Variants in GOLGA8B observed in about 807,000 individuals in gnomAD.
GOLGA8B encodes golgin A8 family member B.
GOLGA8B carries 1 observed loss-of-function variant against 15.6 expected under a neutral mutation model. The ratio of observed to expected loss-of-function variants is 0.06; its 90% confidence interval spans 0.02 to 0.30. GOLGA8B has a LOEUF of 0.30. Ranked by LOEUF, GOLGA8B falls within the 10% of genes least tolerant of loss-of-function variation. The pLI, the probability that GOLGA8B is intolerant of heterozygous loss-of-function variation, is 1.00. For missense variants in GOLGA8B, 17 were observed against 201.3 expected (o/e 0.08, Z 5.54); for synonymous variants, 9 against 80.3 (o/e 0.11, Z 4.75).
chr15:34,581,455 T>C (rs1889233005), intron 1 of GOLGA8B: 1 of 152,286 alleles, frequency 6.6e-6, no homozygotes, highest in African/African-American at 2.4e-5. Flanking sequence ...ATCAGTGTCT[T>C]TTACAATTAC....
At chr15:34,563,774 G>A (rs1449240945) in intron 1 of GOLGA8B, among the ~76,000 whole-genome samples, 1 of 147,840 alleles carries the variant, frequency 6.8e-6, no homozygotes, top group East Asian at 1.9e-4. Flanking sequence ...TCAATTCTAT[G>A]TAGAAATATA....
chr15:34,564,367 A>AAAG, intron 1 of GOLGA8B, among the ~76,000 whole-genome samples: 1 of 151,416 alleles, frequency 6.6e-6, no homozygotes, highest in African/African-American at 2.4e-5. Flanking sequence ...AAAAAAAAAA[A>AAAG]AAAAAAAAAA....
intron 4 of GOLGA8B, among the ~76,000 whole-genome samples, chr15:34,547,690 TGTTATACG>T (rs1174165288): frequency 1.6e-5 from 1 of 63,568 alleles, no homozygotes; most frequent in East Asian, 3.6e-4. Context: ...TGTCGGTTTA[TGTTATACG>T]GCCCTTTGGA....
chr15:34,583,567 C>G lies in GOLGA8B; in HGVS notation c.-1174G>C, dbSNP rs1889310559. 6.6e-6 allele frequency: 1 copy of G among 152,436 alleles called. No homozygotes were observed. Among genetic ancestry groups the G allele is most frequent in the Admixed American group, 6.5e-5 (1 of 15,286 alleles). 9.4% of individuals were successfully genotyped at this position (152,436 alleles called of 1,614,324 possible). On this transcript the variant is annotated 5_prime_UTR_variant, in exon 1 of 24. Transcript: ENST00000683415. The stretch of plus-strand genomic sequence containing the variant: ...TCCGCCGCCGTCCTCGCCCCGCAGC[C>G]GCCGGCTCCGTCCGGGAGGCTGAGC...
intron 1 of GOLGA8B, among the ~76,000 whole-genome samples, chr15:34,578,603 C>T (rs1017297379): frequency 2.0e-5 from 3 of 152,154 alleles, no homozygotes; most frequent in African/African-American, 7.2e-5. Context: ...GCCTCCTCGT[C>T]GCGAAGTTAA....
At position 34,525,461 on chromosome 15, in the gene GOLGA8B, T is replaced by C. The variant is rs540665900; in HGVS notation, c.*2171A>G. ...CAAAGCTTTGGACTGGAATTGGCAT[T>C]TCTTTCTCTACTTTTCCTTCCCACC... On this transcript the variant is annotated 3_prime_UTR_variant, in exon 24 of 24. Transcript: ENST00000683415. The C allele has an allele frequency of 6.7e-6, 1 of 150,130 alleles. No individual in the cohort carries two copies. The highest frequency in any genetic ancestry group is 2.0e-4 in the East Asian group (1 of 5,124). 9.3% of individuals were successfully genotyped at this position (150,130 alleles called of 1,614,324 possible). A position where few individuals can be genotyped will look rare whatever the true frequency, so the allele number is the denominator to read the frequency against.
At chr15:34,574,480 T>A (rs1889013859) in intron 1 of GOLGA8B, among the ~76,000 whole-genome samples, 1 of 151,698 alleles carries the variant, frequency 6.6e-6, no homozygotes, top group Non-Finnish European at 1.5e-5. Flanking sequence ...ATTTTTCTAT[T>A]TTTTTGTAGA....
chr15:34,575,885 C>CT (rs1355669580), intron 1 of GOLGA8B, among the ~76,000 whole-genome samples: 1 of 152,220 alleles, frequency 6.6e-6, no homozygotes, highest in African/African-American at 2.4e-5. Context: ...AACAAGAAAG[C>CT]TGGAATATAG....
chr15:34,543,202 G>C (rs1387736767), intron 7 of GOLGA8B, among the ~76,000 whole-genome samples: 1 of 107,746 alleles, frequency 9.3e-6, no homozygotes, highest in African/African-American at 3.7e-5. Context: ...TTTATTCTGA[G>C]ACAGAGTCTC....
chr15:34,554,602 CCACAT>C (rs1888445745), intron 1 of GOLGA8B, among the ~76,000 whole-genome samples: 1 of 102,770 alleles, frequency 9.7e-6, no homozygotes. Context: ...TCACACCACA[CCACAT>C]ACCACACACC....
At position 34,532,890 on chromosome 15, in the gene GOLGA8B, T is replaced by A. The variant is rs200439797; in HGVS notation, c.241A>T (p.Arg81Trp). ...CQEQAAVLNS[R>W]SIKISRLNDT... The stretch of plus-strand genomic sequence containing the variant: ...TTCAGTCGACTGATTTTTATGGACC[T>A]CGAGTTCAGGACTGCTGCTTGTTCT... Residue 81 changes from arginine (R) to tryptophan (W), a missense_variant, in exon 11 of 24, where the codon AGG (arginine) becomes TGG (tryptophan). Around this residue, in one of 4 missense-constraint regions of GOLGA8B, gnomAD observed 5 missense variants for 35.9 expected, o/e 0.14. Transcript: ENST00000683415. 8.3e-3 allele frequency: 9,614 copies of A among 1,160,652 alleles called. 193 individuals carry two copies. The African/African-American group carries it at 0.13, about 15-fold the overall frequency. 71.9% of individuals were successfully genotyped at this position (1,160,652 alleles called of 1,614,324 possible).
intron 4 of GOLGA8B, among the ~76,000 whole-genome samples, chr15:34,549,143 C>G: frequency 1.9e-5 from 1 of 54,032 alleles, no homozygotes; most frequent in East Asian, 5.0e-4. Context: ...TTCACTCTAT[C>G]AAGAAAATGA....
At chr15:34,578,698 G>A (rs112384323) in intron 1 of GOLGA8B, among the ~76,000 whole-genome samples, 5 of 152,306 alleles carry the variant, frequency 3.3e-5, no homozygotes, top group Non-Finnish European at 7.3e-5. Context: ...AGAATTGCCC[G>A]ATGATGCGTG....
intron 1 of GOLGA8B, among the ~76,000 whole-genome samples, chr15:34,580,050 A>G (rs1345250517): frequency 6.6e-6 from 1 of 152,268 alleles, no homozygotes; most frequent in Non-Finnish European, 1.5e-5. Context: ...CCAGGTGGGC[A>G]TCTGGGGGTG....
chr15:34,583,025 C>T (rs998136083), intron 1 of GOLGA8B, among the ~76,000 whole-genome samples: 1 of 152,126 alleles, frequency 6.6e-6, no homozygotes, highest in African/African-American at 2.4e-5. Context: ...AGGGAAGGGG[C>T]GAAGATCCGG....
intron 1 of GOLGA8B, among the ~76,000 whole-genome samples, chr15:34,581,237 G>C (rs781597451): frequency 2.0e-5 from 3 of 152,202 alleles, no homozygotes; most frequent in Non-Finnish European, 2.9e-5. Flanking sequence ...TGCCGGAGAG[G>C]AGCTGAGGCC....
At chr15:34,581,817 C>G (rs1345471476) in intron 1 of GOLGA8B, among the ~76,000 whole-genome samples, 1 of 152,136 alleles carries the variant, frequency 6.6e-6, no homozygotes, top group African/African-American at 2.4e-5. Flanking sequence ...GGGCACAGAC[C>G]GCACTTCCTA....
At chr15:34,570,457 C>G (rs1308155608) in intron 1 of GOLGA8B, among the ~76,000 whole-genome samples, 3 of 122,092 alleles carry the variant, frequency 2.5e-5, no homozygotes, top group African/African-American at 8.7e-5. Flanking sequence ...GACACAGCGG[C>G]TGCCCTGGGG....
chr15:34,573,238 T>C (rs1007542778), intron 1 of GOLGA8B, among the ~76,000 whole-genome samples: 6 of 152,126 alleles, frequency 3.9e-5, no homozygotes, highest in Non-Finnish European at 7.4e-5. Flanking sequence ...ACAAGCACTT[T>C]AAAATTCACC....
Sources: allele counts gnomAD v4.1 joint callset (sites outside exome capture counted in the v4.1 genomes callset), GRCh38; gene constraint gnomAD v4.1.1; regional missense constraint gnomAD v4.1.1; transcripts MANE v1.5; gene names NCBI Gene and HGNC (gene_info 2026-07-23, HGNC 2026-07-21).